The following PDE12 variants were observed in gnomAD, a reference collection of about 807,000 sequenced individuals.
PDE12 encodes the protein 2',5'-phosphodiesterase 12.
PDE12 carries 26 observed loss-of-function variants against 45.4 expected under a neutral mutation model. That is an observed-to-expected ratio of 0.57 (90% CI 0.42 to 0.79). The LOEUF is 0.79. Ranked by LOEUF, PDE12 falls within the 30% of genes least tolerant of loss-of-function variation. The pLI, the probability that PDE12 is intolerant of heterozygous loss-of-function variation, is 0.00. For synonymous variants in PDE12, 283 were observed against 323.9 expected (o/e 0.87, Z 1.36); for missense variants, 668 against 790.0 (o/e 0.85, Z 1.85).
At chr3:57,572,760 T>C in the PDE12 span, among the ~76,000 whole-genome samples, 1 of 152,206 alleles carries the variant, frequency 6.6e-6, no homozygotes, top group African/African-American at 2.4e-5. Context: ...TGCTGGTTTT[T>C]GGTTCCCTTT....
At position 57,565,988 on chromosome 3, in the gene PDE12, C is replaced by A. The variant is rs1300713351; in HGVS notation, c.*5984C>A. ...TTAAACCAAGAAAGGGTATTTCTATCCCAGCTGTAGAGTTTTTAATAATTC... is the reference window on the plus strand; with the variant it reads ...TTAAACCAAGAAAGGGTATTTCTATACCAGCTGTAGAGTTTTTAATAATTC... On this transcript the variant is annotated 3_prime_UTR_variant, in exon 3 of 3. Transcript: ENST00000311180. 6.6e-6 allele frequency: 1 copy of A among 152,050 alleles called. No homozygotes were observed. Among genetic ancestry groups the A allele is most frequent in the Non-Finnish European group, 1.5e-5 (1 of 68,028 alleles). 9.4% of individuals were successfully genotyped at this position (152,050 alleles called of 1,614,324 possible).
the PDE12 span, chr3:57,584,543 C>A: frequency 7.8e-7 from 1 of 1,278,052 alleles, no homozygotes; most frequent in Non-Finnish European, 1.1e-6. Context: ...ATTTATAGTT[C>A]AAAACTAGAA....
At position 57,561,708 on chromosome 3, in the gene PDE12, T is replaced by G; in HGVS notation, c.*1704T>G. ...GATTTTCCCCAGTCATGAAAGCCCT[T>G]GTTTCAAATTCTTTAATCTCTGAAC... On this transcript the variant is annotated 3_prime_UTR_variant, in exon 3 of 3. Coordinates refer to ENST00000311180, the MANE Select transcript of PDE12 (RefSeq NM_177966.7). 1.0e-6 allele frequency: 1 copy of G among 985,096 alleles called. No homozygotes were observed. Among genetic ancestry groups the G allele is most frequent in the Non-Finnish European group, 1.2e-6 (1 of 829,646 alleles). 61.0% of individuals were successfully genotyped at this position (985,096 alleles called of 1,614,324 possible). A position where few individuals can be genotyped will look rare whatever the true frequency, so the allele number is the denominator to read the frequency against.
chr3:57,569,460 C>G (rs962269221), downstream of PDE12, among the ~76,000 whole-genome samples: 1 of 152,092 alleles, frequency 6.6e-6, no homozygotes, highest in African/African-American at 2.4e-5. Flanking sequence ...TCAAGCAATT[C>G]TCCCACTTCA....
At chr3:57,618,610 T>TG in the PDE12 span, among the ~76,000 whole-genome samples, 6 of 113,678 alleles carry the variant, frequency 5.3e-5, no homozygotes, top group Non-Finnish European at 9.4e-5. Context: ...CTTTTGTGTT[T>TG]TTTTTTTTTT....
chr3:57,597,054 A>C, the PDE12 span: 1 of 1,612,818 alleles, frequency 6.2e-7, no homozygotes, highest in Non-Finnish European at 8.5e-7. Context: ...GTCCCGCCTG[A>C]CTCGCAGCCC....
the PDE12 span, among the ~76,000 whole-genome samples, chr3:57,580,789 TAA>T: frequency 6.7e-6 from 1 of 150,274 alleles, no homozygotes; most frequent in African/African-American, 2.4e-5. Context: ...TTTTTTTTTT[TAA>T]ATGTAAAGAC....
rs1301584004 is a variant in PDE12 at position 57,562,699 on chromosome 3, T to C, written c.*2695T>C. On this transcript the variant is annotated 3_prime_UTR_variant, in exon 3 of 3. Coordinates refer to ENST00000311180, the MANE Select transcript of PDE12 (RefSeq NM_177966.7). ...GAATTTTATATTGATTATAAAAGAGTATTTCAGAACATATTATTCTGTTAA... is the reference window on the plus strand; with the variant it reads ...GAATTTTATATTGATTATAAAAGAGCATTTCAGAACATATTATTCTGTTAA... The C allele has an allele frequency of 6.6e-6, 1 of 152,198 alleles. No homozygotes were observed. 9.4% of individuals were successfully genotyped at this position (152,198 alleles called of 1,614,324 possible).
chr3:57,589,332 G>A, the PDE12 span, among the ~76,000 whole-genome samples: 1 of 152,122 alleles, frequency 6.6e-6, no homozygotes, highest in African/African-American at 2.4e-5. Context: ...GGAGGCTGAG[G>A]CAGGAGGATC....
At chr3:57,622,729 T>A in the PDE12 span, among the ~76,000 whole-genome samples, 1 of 152,158 alleles carries the variant, frequency 6.6e-6, no homozygotes, top group African/African-American at 2.4e-5. Flanking sequence ...TATACCCATA[T>A]AACAAAATAC....
In PDE12 at chr3:57,557,205, A is replaced by T; in HGVS notation, c.826A>T (p.Thr276Ser). The change falls in exon 1 of 3, where the codon ACC becomes TCC. Residue 276 changes from threonine (T) to serine (S), a missense_variant. Physicochemically the swap from Thr to Ser is moderately conservative, Grantham distance 58. Coordinates refer to ENST00000311180, the MANE Select transcript of PDE12 (RefSeq NM_177966.7). ...SVCVVEAGPG[T>S]CTFDHRHLYT... ...GTGTGTGGTAGAGGCTGGGCCTGGC[A>T]CCTGCACTTTTGACCACCGGCATCT... is the stretch of plus-strand genomic sequence containing the variant. 1.2e-6 allele frequency: 2 copies of T among 1,601,286 alleles called. No individual in the cohort carries two copies. Among genetic ancestry groups the T allele is most frequent in the Non-Finnish European group, 1.7e-6 (2 of 1,174,632 alleles).
At chr3:57,613,917 A>AAAAAAAG in the PDE12 span, among the ~76,000 whole-genome samples, 5 of 150,636 alleles carry the variant, frequency 3.3e-5, no homozygotes, top group African/African-American at 1.2e-4. Context: ...AAAAAAAAAA[A>AAAAAAAG]AAAAAAGAAA....
At chr3:57,593,762 C>G in the PDE12 span, among the ~76,000 whole-genome samples, 1 of 152,114 alleles carries the variant, frequency 6.6e-6, no homozygotes, top group Non-Finnish European at 1.5e-5. Context: ...TGCAGCCAGG[C>G]TCAGTGGCTC....
chr3:57,596,007 T>C, the PDE12 span, among the ~76,000 whole-genome samples: 3 of 151,740 alleles, frequency 2.0e-5, no homozygotes, highest in South Asian at 6.2e-4. Flanking sequence ...AACAAGCTAA[T>C]GAACCAACAA....
At chr3:57,594,429 A>T in the PDE12 span, among the ~76,000 whole-genome samples, 1 of 152,194 alleles carries the variant, frequency 6.6e-6, no homozygotes, top group Non-Finnish European at 1.5e-5. Context: ...GGGCAATATC[A>T]TCACTTGCAT....
rs1206611027 is a variant in PDE12 at position 57,560,319 on chromosome 3, TTTTG to T, written c.*319_*322del. 1.9e-5 allele frequency: 20 copies of T among 1,064,664 alleles called. No individual in the cohort carries two copies. The South Asian group carries it at 3.8e-4, about 20-fold the overall frequency. The allele number at this position is 1,064,664 out of a possible 1,614,324, so 66.0% of individuals were successfully genotyped here. ...ATTAGCGTGTTTTTTGTTTGTTTGT[TTTTG>T]TTTTTGTTTTTGTTTTTTTGAGATG... On this transcript the variant is annotated 3_prime_UTR_variant, in exon 3 of 3. Coordinates refer to ENST00000311180, the MANE Select transcript of PDE12 (RefSeq NM_177966.7).
At chr3:57,642,044 G>A in the PDE12 span, among the ~76,000 whole-genome samples, 1 of 152,126 alleles carries the variant, frequency 6.6e-6, no homozygotes, top group Non-Finnish European at 1.5e-5. Flanking sequence ...GCCGAGCGCG[G>A]TGATTCACGC....
At chr3:57,598,808 C>T in the PDE12 span, among the ~76,000 whole-genome samples, 2 of 152,042 alleles carry the variant, frequency 1.3e-5, no homozygotes, top group South Asian at 2.1e-4. Flanking sequence ...ACAAAAAAAC[C>T]CCAAAAACTT....
the PDE12 span, chr3:57,634,630 C>T: frequency 6.7e-7 from 1 of 1,484,418 alleles, no homozygotes. Flanking sequence ...CTCCTAAGAG[C>T]AAAGAAAAGA....
Sources: allele counts gnomAD v4.1 joint callset (sites outside exome capture counted in the v4.1 genomes callset), GRCh38; gene constraint gnomAD v4.1.1; transcripts MANE v1.5; gene names NCBI Gene and HGNC (gene_info 2026-07-23, HGNC 2026-07-21).